The following RPS6KA5 variants were observed in gnomAD, a reference collection of about 807,000 sequenced individuals.
The protein encoded by RPS6KA5 is ribosomal protein S6 kinase alpha-5.
A neutral mutation model predicts 85.5 loss-of-function variants in RPS6KA5; 27 were observed. The ratio of observed to expected loss-of-function variants is 0.32; its 90% CI spans 0.23 to 0.44. RPS6KA5 has a LOEUF of 0.44. Among genes scored for constraint, RPS6KA5 ranks in the 20% least tolerant of loss-of-function variants. The probability of loss-of-function intolerance (pLI) is 1.00; values close to 1 mark genes in which losing one functional copy is unlikely to be tolerated. For synonymous variants in RPS6KA5, 334 were observed against 348.2 expected, an observed-to-expected ratio of 0.96 and a Z score of 0.46; for missense variants, 811 against 980.9, an observed-to-expected ratio of 0.83 and a Z score of 2.31.
chr14:91,033,296 G>C (rs924613374), intron 1 of RPS6KA5, among the ~76,000 whole-genome samples: 1 of 152,130 alleles, frequency 6.6e-6, no homozygotes, highest in African/African-American at 2.4e-5. Context: ...TATCAGATTG[G>C]AAAAGATTTT....
At chr14:90,975,091 G>A (rs2039503408) in intron 3 of RPS6KA5, among the ~76,000 whole-genome samples, 1 of 151,950 alleles carries the variant, frequency 6.6e-6, no homozygotes, top group Non-Finnish European at 1.5e-5. Context: ...GCTGGGTAGT[G>A]AAAATAAGTT....
At chr14:91,008,546 A>G (rs1450171995) in intron 1 of RPS6KA5, among the ~76,000 whole-genome samples, 1 of 152,220 alleles carries the variant, frequency 6.6e-6, no homozygotes, top group African/African-American at 2.4e-5. Context: ...TCTTTAGCTA[A>G]GAAGTACAGG....
At chr14:90,969,018 T>G (rs1265823050) in intron 3 of RPS6KA5, among the ~76,000 whole-genome samples, 3 of 152,248 alleles carry the variant, frequency 2.0e-5, no homozygotes, top group African/African-American at 7.2e-5. Flanking sequence ...TTTGTTATTA[T>G]GAAATAATAT....
At chr14:90,999,354 A>G (rs1032908851) in intron 2 of RPS6KA5, among the ~76,000 whole-genome samples, 2 of 152,182 alleles carry the variant, frequency 1.3e-5, no homozygotes, top group Non-Finnish European at 2.9e-5. Flanking sequence ...ATACCCTTAT[A>G]TGGACAGGTG....
At chr14:90,951,118 CAAAAA>C (rs57389099) in intron 3 of RPS6KA5, among the ~76,000 whole-genome samples, 1 of 84,570 alleles carries the variant, frequency 1.2e-5, no homozygotes. Context: ...GACTCAGTCT[CAAAAA>C]AAAAAAAAAA....
Position 90,902,822 on chromosome 14 carries a change from C to T in RPS6KA5, c.1105G>A (p.Glu369Lys), listed in dbSNP as rs770884768. 5.6e-6 allele frequency: 9 copies of T among 1,613,854 alleles called. No individual in the cohort carries two copies. The highest frequency in any genetic ancestry group is 5.9e-6 in the Non-Finnish European group (7 of 1,179,868). ...TGGGAAATTACCTGAAACAGCTTCT[C>T]AGAACTCTGGGGCAGGGCTGCGGGA... ...YSPAALPQSS[E>K]KLFQGYSFVA... Residue 369 changes from glutamate (E) to lysine (K), a missense_variant, in exon 9 of 17, where the codon GAG becomes AAG. Around this residue, in one of 3 missense-constraint regions of RPS6KA5, gnomAD observed 650 missense variants for 793.4 expected, o/e 0.82. Coordinates refer to ENST00000614987, the MANE Select transcript of RPS6KA5 (RefSeq NM_004755.4).
intron 2 of RPS6KA5, among the ~76,000 whole-genome samples, chr14:90,990,169 A>G (rs999313701): frequency 6.6e-6 from 1 of 152,204 alleles, no homozygotes; most frequent in Non-Finnish European, 1.5e-5. Flanking sequence ...AAGTAGGCGG[A>G]CAAATCAACA....
At chr14:90,988,947 T>G (rs2040187080) in intron 2 of RPS6KA5, among the ~76,000 whole-genome samples, 1 of 152,380 alleles carries the variant, frequency 6.6e-6, no homozygotes, top group East Asian at 1.9e-4. Flanking sequence ...ATTTATGAGG[T>G]ATTTTCTCAC....
intron 2 of RPS6KA5, among the ~76,000 whole-genome samples, chr14:90,999,335 G>T (rs1566846114): frequency 1.3e-5 from 2 of 152,338 alleles, no homozygotes; most frequent in East Asian, 1.9e-4. Flanking sequence ...TTTTGGAAGG[G>T]ATGGGCAGAT....
chr14:90,900,216 T>C lies in RPS6KA5; in HGVS notation c.1271A>G (p.Asp424Gly). ...CAGGGGTTTGTCCTTCAAATCTAGG[T>C]CATAGTGTTGATAGAATGGAGAGTC... ...MKDSPFYQHY[D>G]LDLKDKPLGE... is the part of the protein sequence containing the mutation. The change falls in exon 11 of 17, where the codon GAC becomes GGC. Residue 424 changes from aspartate to glycine, a missense_variant. By Grantham distance (94) the Asp-to-Gly change is moderately conservative (BLOSUM62 -1). This residue lies in a region of RPS6KA5 where 650 missense variants were observed against 793.4 expected (regional missense o/e 0.82). Coordinates refer to ENST00000614987, the MANE Select transcript of RPS6KA5 (RefSeq NM_004755.4). 1 of 1,599,378 alleles carries C rather than the reference T, an allele frequency of 6.3e-7. No homozygotes were observed. The highest frequency in any genetic ancestry group is 1.7e-5 in the Admixed American group (1 of 59,062).
rs1230384018 is a variant in RPS6KA5 at position 91,001,101 on chromosome 14, G to A, written c.162C>T (p.Val54=). 2 of 1,585,698 alleles carry A rather than the reference G, an allele frequency of 1.3e-6. No homozygotes were observed. The highest frequency in any genetic ancestry group is 3.5e-5 in the Admixed American group (2 of 57,736). ...VGIENFELLK[V]LGTGAYGKVF... ...CTTAAGACTTACCTCCAGTTCCTAG[G>A]ACCTTCAGGAGCTCAAAATTTTCTA... Residue 54 remains valine (V), a synonymous_variant, in exon 2 of 17, where the codon GTC becomes GTT. Transcript: ENST00000614987.
rs1461904361 is a variant in RPS6KA5 at position 90,900,709 on chromosome 14, G to A, written c.1147C>T (p.Leu383=). ...ATGACAGCTGCATTACGCTTGAATAGGATGGAAGGAGCAACAAAGGAATAG... is the reference window on the plus strand; with the variant it reads ...ATGACAGCTGCATTACGCTTGAATAAGATGGAAGGAGCAACAAAGGAATAG... ...QGYSFVAPSI[L]FKRNAAVIDP... Residue 383 remains leucine, a synonymous_variant, in exon 10 of 17, where the codon CTA becomes TTA. Coordinates refer to ENST00000614987, the MANE Select transcript of RPS6KA5 (RefSeq NM_004755.4). The A allele has an allele frequency of 2.5e-6, 4 of 1,612,852 alleles. No individual in the cohort carries two copies. In the South Asian group the frequency reaches 3.3e-5, roughly 13 times the overall value.
In RPS6KA5 at chr14:90,867,470, TATACTAA is replaced by T. The variant is rs1378392943; in HGVS notation, c.*4597_*4603del. 6.6e-6 allele frequency: 1 copy of T among 152,166 alleles called. No individual in the cohort carries two copies. The highest frequency in any genetic ancestry group is 1.5e-5 in the Non-Finnish European group (1 of 67,994). The allele number at this position is 152,166 out of a possible 1,614,324, so 9.4% of individuals were successfully genotyped here. ...TTCCTGTGCTCTGAAGAACAGCTGC[TATACTAA>T]ATACTAACTTGACTTATCTGAAGTA... On this transcript the variant is annotated 3_prime_UTR_variant, in exon 17 of 17. Coordinates refer to ENST00000614987, the MANE Select transcript of RPS6KA5 (RefSeq NM_004755.4).
chr14:90,881,452 C>CAAA (rs375439250), intron 14 of RPS6KA5, among the ~76,000 whole-genome samples: 2 of 126,018 alleles, frequency 1.6e-5, no homozygotes, highest in African/African-American at 2.9e-5. Flanking sequence ...GACTCTGTCT[C>CAAA]AAAAAAAAAA....
At chr14:90,991,417 C>T (rs1304923133) in intron 2 of RPS6KA5, among the ~76,000 whole-genome samples, 1 of 151,924 alleles carries the variant, frequency 6.6e-6, no homozygotes, top group Non-Finnish European at 1.5e-5. Flanking sequence ...AGTAAAGAGG[C>T]TGGGCTGGGC....
chr14:90,909,481 G>T (rs775749836), intron 7 of RPS6KA5, among the ~76,000 whole-genome samples: 18 of 152,052 alleles, frequency 1.2e-4, no homozygotes, highest in Non-Finnish European at 2.4e-4. Flanking sequence ...CCTATCAAAA[G>T]ACTGCTATTT....
intron 5 of RPS6KA5, 178 bp from the exon 6 acceptor site, chr14:90,923,374 G>A: frequency 1.8e-6 from 1 of 564,114 alleles, no homozygotes; most frequent in Non-Finnish European, 3.2e-6. Context: ...ATGAGTCCTG[G>A]GTATATGTCA....
At chr14:90,877,893 G>A (rs1566679816) in intron 14 of RPS6KA5, among the ~76,000 whole-genome samples, 1 of 152,280 alleles carries the variant, frequency 6.6e-6, no homozygotes, top group Middle Eastern at 3.4e-3. Context: ...ATATTATAAG[G>A]TTACATGAAA....
At chr14:91,005,498 T>C (rs145783482) in intron 1 of RPS6KA5, among the ~76,000 whole-genome samples, 30 of 152,290 alleles carry the variant, frequency 2.0e-4, no homozygotes, top group East Asian at 1.9e-3. Flanking sequence ...CAGTAGTAAG[T>C]AGTATCATAT....
Sources: allele counts gnomAD v4.1 joint callset (sites outside exome capture counted in the v4.1 genomes callset), GRCh38; gene constraint gnomAD v4.1.1; regional missense constraint gnomAD v4.1.1; transcripts MANE v1.5; gene names NCBI Gene and HGNC (gene_info 2026-07-23, HGNC 2026-07-21).